The following CRYM variants were observed in gnomAD, a reference collection of about 807,000 sequenced individuals.
CRYM encodes the protein ketimine reductase mu-crystallin.
A neutral mutation model predicts 32.9 loss-of-function variants in CRYM; 18 were observed. The observed-to-expected ratio is 0.55, with a 90% CI of 0.38 to 0.81. CRYM has a LOEUF of 0.81. CRYM is among the 30% of genes least tolerant of loss of function. The pLI, the probability that CRYM is intolerant of heterozygous loss-of-function variation, is 0.00. For missense variants in CRYM, 337 were observed against 393.5 expected (o/e 0.86, Z 1.21); for synonymous variants, 153 against 152.4 (o/e 1.00, Z -0.03).
intron 1 of CRYM, among the ~76,000 whole-genome samples, chr16:21,295,978 T>C (rs1960780707): frequency 6.6e-6 from 1 of 151,966 alleles, no homozygotes; most frequent in South Asian, 2.1e-4. Flanking sequence ...ATCTCCTATA[T>C]ATGAAACTAT....
chr16:21,259,333 C>T lies in CRYM; in HGVS notation c.881-488G>A, dbSNP rs150409416. 2.6e-3 allele frequency among the ~76,000 whole-genome samples: 394 copies of T among 151,772 alleles called. 12 individuals carry two copies. In the East Asian group the frequency reaches 0.067, roughly 26 times the overall value. ...ATGTTGACCAGGCTAGTTTCAAACT[C>T]CTGACCTCAGGCGATCCGCCCACCT... On this transcript the variant is annotated intron_variant, in intron 7 of 7. Transcript: ENST00000572914.
At chr16:21,264,670 G>A (rs1029042069) in intron 5 of CRYM, among the ~76,000 whole-genome samples, 1 of 152,178 alleles carries the variant, frequency 6.6e-6, no homozygotes, top group Non-Finnish European at 1.5e-5. Context: ...TTGTCCCTGG[G>A]CCAGGAAAAC....
At chr16:21,266,888 T>G (rs928624599) in intron 5 of CRYM, among the ~76,000 whole-genome samples, 1 of 151,640 alleles carries the variant, frequency 6.6e-6, no homozygotes, top group Non-Finnish European at 1.5e-5. Flanking sequence ...ATGCCTGTAG[T>G]CCCAGCTACT....
chr16:21,292,706 A>G (rs1265395781), intron 1 of CRYM, among the ~76,000 whole-genome samples: 1 of 151,634 alleles, frequency 6.6e-6, no homozygotes, highest in African/African-American at 2.4e-5. Context: ...TGGTATTAAC[A>G]TAAGTAGAGA....
At chr16:21,293,994 G>A (rs991905844) in intron 1 of CRYM, among the ~76,000 whole-genome samples, 1 of 152,124 alleles carries the variant, frequency 6.6e-6, no homozygotes, top group Admixed American at 6.5e-5. Flanking sequence ...ATCAATATAC[G>A]GGAAACTGGA....
At chr16:21,281,803 G>A (rs1214688530), upstream of CRYM, among the ~76,000 whole-genome samples, 1 of 152,210 alleles carries the variant, frequency 6.6e-6, no homozygotes, top group Non-Finnish European at 1.5e-5. Flanking sequence ...ATGAACATGA[G>A]TTGTATGTAA....
At chr16:21,272,083 G>C (rs1346643694) in intron 3 of CRYM, among the ~76,000 whole-genome samples, 1 of 149,716 alleles carries the variant, frequency 6.7e-6, no homozygotes, top group Non-Finnish European at 1.5e-5. Flanking sequence ...GGCTGGTCTC[G>C]AACTCCTGAC....
intron 1 of CRYM, among the ~76,000 whole-genome samples, chr16:21,292,196 A>G (rs552845836): frequency 1.3e-5 from 2 of 152,274 alleles, no homozygotes; most frequent in Non-Finnish European, 2.9e-5. Flanking sequence ...CTCAGCAATA[A>G]AAATGAATGA....
At chr16:21,263,352 GA>G (rs2093358048) in intron 5 of CRYM, among the ~76,000 whole-genome samples, 1 of 152,114 alleles carries the variant, frequency 6.6e-6, no homozygotes, top group Admixed American at 6.5e-5. Context: ...AGCGAGCCAA[GA>G]CTGCGCCACT....
chr16:21,285,989 T>G (rs1220496022), intron 1 of CRYM, among the ~76,000 whole-genome samples: 1 of 152,192 alleles, frequency 6.6e-6, no homozygotes, highest in Admixed American at 6.5e-5. Context: ...CATGAATGCA[T>G]CAGGTTTTTT....
At chr16:21,267,785 T>C in intron 4 of CRYM, 48 bp from the exon 5 acceptor site, 1 of 1,601,932 alleles carries the variant, frequency 6.2e-7, no homozygotes, top group Non-Finnish European at 8.6e-7. Flanking sequence ...TTTTGGCTGC[T>C]TATGTTACAC....
At chr16:21,284,126 G>C (rs1290010073) in intron 1 of CRYM, 1 of 152,040 alleles carries the variant, frequency 6.6e-6, no homozygotes, top group Non-Finnish European at 1.5e-5. Flanking sequence ...AGGGACTTAG[G>C]GTTGAATTTT....
intron 3 of CRYM, among the ~76,000 whole-genome samples, chr16:21,274,528 A>T (rs2093382210): frequency 6.6e-6 from 1 of 152,164 alleles, no homozygotes; most frequent in Non-Finnish European, 1.5e-5. Context: ...AATATGTACT[A>T]ATTATTTAAT....
chr16:21,284,985 A>G (rs1464045527), intron 1 of CRYM, among the ~76,000 whole-genome samples: 2 of 152,160 alleles, frequency 1.3e-5, no homozygotes, highest in Admixed American at 6.5e-5. Context: ...GTGAGATGAT[A>G]TTCCATTGTG....
chr16:21,299,096 G>T (rs1039378363), intron 1 of CRYM, among the ~76,000 whole-genome samples: 1 of 152,094 alleles, frequency 6.6e-6, no homozygotes, highest in Non-Finnish European at 1.5e-5. Context: ...TGTTTCACAC[G>T]TGAGGCTATT....
intron 1 of CRYM, among the ~76,000 whole-genome samples, chr16:21,287,089 CA>C (rs71151633): frequency 0.32 from 36,447 of 113,176 alleles, 4,614 homozygotes; most frequent in African/African-American, 0.41. Context: ...GACTCCGTCT[CA>C]AAAAAAAAAA....
At chr16:21,299,010 C>T (rs1960843894) in intron 1 of CRYM, among the ~76,000 whole-genome samples, 1 of 152,204 alleles carries the variant, frequency 6.6e-6, no homozygotes, top group Admixed American at 6.5e-5. Context: ...CCTCCTACTC[C>T]ACCAGTGGAT....
At position 21,258,682 on chromosome 16, in the gene CRYM, G is replaced by T; in HGVS notation, c.*99C>A. The T allele has an allele frequency of 1.0e-6, 1 of 996,390 alleles. No individual in the cohort carries two copies. Among genetic ancestry groups the T allele is most frequent in the South Asian group, 1.3e-5 (1 of 78,430 alleles). The allele number at this position is 996,390 out of a possible 1,614,324, so 61.7% of individuals were successfully genotyped here. ...GTAAAACATGATAAGCACAAAAGGA[G>T]AGTTCACTGGGGACTGGACTCCCTC... is the stretch of plus-strand genomic sequence containing the variant. On this transcript the variant is annotated 3_prime_UTR_variant, in exon 8 of 8. Transcript: ENST00000572914.
Position 21,277,811 on chromosome 16 carries a change from T to G in CRYM, c.171-227A>C, listed in dbSNP as rs1437876157. On this transcript the variant is annotated intron_variant, in intron 1 of 7. Transcript: ENST00000572914. This position sits in a 1 kb window ranked among gnomAD's most constrained non-coding sequence, Gnocchi z 4.2. Reference sequence around the variant, plus strand: ...TCTGCCACTTAGTAGCTGTGTAAGCTTAGGTAAGTCACTTAACCTCTCTGA... The same window carrying G: ...TCTGCCACTTAGTAGCTGTGTAAGCGTAGGTAAGTCACTTAACCTCTCTGA... Among the ~76,000 whole-genome samples the G allele has an allele frequency of 6.6e-6, 1 of 152,154 alleles. No homozygotes were observed. The highest frequency in any genetic ancestry group is 2.4e-5 in the African/African-American group (1 of 41,414).
Sources: gnomAD v4.1 joint callset for allele counts (sites outside exome capture counted in the v4.1 genomes callset) on GRCh38, gnomAD v4.1.1 for gene constraint, Gnocchi (gnomAD v3.1) non-coding constraint, MANE v1.5 for transcripts, NCBI Gene and HGNC (gene_info 2026-07-23, HGNC 2026-07-21) for gene names.